TDRKH: variants seen among roughly 807,000 people sequenced by gnomAD.
TDRKH encodes tudor and KH domain-containing protein.
Under a neutral mutation model 61.3 loss-of-function variants are expected in TDRKH, and 28 were observed. The ratio of observed to expected loss-of-function variants is 0.46; its 90% CI spans 0.34 to 0.63. TDRKH has a LOEUF of 0.63. Among genes scored for constraint, TDRKH ranks in the 20% least tolerant of loss-of-function variants. TDRKH has a pLI of 0.01. For missense variants in TDRKH, 540 were observed against 683.4 expected, an observed-to-expected ratio of 0.79 and a Z score of 2.34; for synonymous variants, 219 against 244.4, an observed-to-expected ratio of 0.90 and a Z score of 0.97.
At chr1:151,775,240 G>T (rs915120614) in intron 10 of TDRKH, 74 bp from the exon 11 acceptor site, 2 of 1,569,740 alleles carry the variant, frequency 1.3e-6, no homozygotes, top group African/African-American at 2.7e-5. Flanking sequence ...AAGGCAGAAG[G>T]ACTGATACTT....
chr1:151,774,193 T>TC lies in TDRKH; in HGVS notation c.*258dup, dbSNP rs1288075229. On this transcript the variant is annotated 3_prime_UTR_variant, in exon 13 of 13. Transcript: ENST00000368824. ...ACTGCATGGATCCTTTATCATACAC[T>TC]CCTCTCCTCCATGCACCAATTCCTA... 3.9e-6 allele frequency: 2 copies of TC among 507,382 alleles called. No homozygotes were observed. The highest frequency in any genetic ancestry group is 7.0e-6 in the Non-Finnish European group (2 of 285,968). The allele number at this position is 507,382 out of a possible 1,614,324, so 31.4% of individuals were successfully genotyped here. A position where few individuals can be genotyped will look rare whatever the true frequency, so the allele number is the denominator to read the frequency against.
downstream of TDRKH, chr1:151,770,171 G>C: frequency 6.2e-7 from 1 of 1,613,790 alleles, no homozygotes; most frequent in Non-Finnish European, 8.5e-7. Context: ...GTGGCTCCTA[G>C]TTTGACTGCA....
At chr1:151,780,184 C>T (rs1649611857) in intron 3 of TDRKH, 44 bp from the exon 4 acceptor site, 1 of 1,585,616 alleles carries the variant, frequency 6.3e-7, no homozygotes, top group Non-Finnish European at 8.6e-7. Context: ...GGAAGAGCTC[C>T]CATTTGAGCC....
chr1:151,774,942 G>T, intron 11 of TDRKH, 123 bp downstream of exon 11: 1 of 1,349,710 alleles, frequency 7.4e-7, no homozygotes, highest in Non-Finnish European at 1.0e-6. Context: ...TGCTCCTTTG[G>T]TCAACTACTG....
chr1:151,783,129 A>G, intron 1 of TDRKH, 80 bp from the exon 2 acceptor site: 1 of 1,350,812 alleles, frequency 7.4e-7, no homozygotes, highest in Middle Eastern at 2.6e-4. Flanking sequence ...GGAGCACATT[A>G]TTACTGAAAA....
At position 151,779,121 on chromosome 1, in the gene TDRKH, C is replaced by T; in HGVS notation, c.543G>A (p.Lys181=). Residue 181 remains lysine (K), a synonymous_variant, in exon 5 of 13, where the codon AAG becomes AAA. Transcript: ENST00000368824. ...SRLIKISGTQ[K]EVAAAKHLIL... is the part of the protein sequence containing the mutation. ...TACTTGCCTTGGCTGCTGCCACTTCCTTCTGTGTTCCTGAGATTTTTATAA... is the reference window on the plus strand; with the variant it reads ...TACTTGCCTTGGCTGCTGCCACTTCTTTCTGTGTTCCTGAGATTTTTATAA... 1.2e-6 allele frequency: 2 copies of T among 1,614,140 alleles called. No homozygotes were observed. The highest frequency in any genetic ancestry group is 1.7e-6 in the Non-Finnish European group (2 of 1,180,032).
intron 1 of TDRKH, among the ~76,000 whole-genome samples, chr1:151,784,933 G>GT (rs377380901): frequency 0.07 from 8,829 of 126,492 alleles, 328 homozygotes; most frequent in Non-Finnish European, 0.086. Flanking sequence ...ATGGCAATTC[G>GT]TTTTTTTTTT....
chr1:151,779,907 G>A (rs12754510), intron 4 of TDRKH, 44 bp downstream of exon 4: 166,275 of 1,542,426 alleles, frequency 0.11, 9,652 homozygotes, highest in Non-Finnish European at 0.12. Context: ...GAGGGGCAAA[G>A]GTAAAGAATA....
At chr1:151,768,532 G>A (rs1029226202), downstream of TDRKH, among the ~76,000 whole-genome samples, 22 of 152,148 alleles carry the variant, frequency 1.4e-4, no homozygotes, top group Non-Finnish European at 1.8e-4. Context: ...GCAATCTCTT[G>A]GCTTCCAAGA....
At chr1:151,775,996 A>ACAGGTTCCCTTC in intron 8 of TDRKH, 100 bp downstream of exon 8, 5 of 1,570,262 alleles carry the variant, frequency 3.2e-6, no homozygotes, top group Non-Finnish European at 4.3e-6. Flanking sequence ...CTCTCTGTAA[A>ACAGGTTCCCTTC]CAGGTTCCCT....
At chr1:151,766,911 G>A (rs1196650609), downstream of TDRKH, 2 of 1,562,920 alleles carry the variant, frequency 1.3e-6, no homozygotes, top group South Asian at 1.1e-5. Flanking sequence ...ATCTCTATTT[G>A]TAGTTGTTTA....
intron 6 of TDRKH, among the ~76,000 whole-genome samples, chr1:151,778,172 A>G (rs1649390981): frequency 6.6e-6 from 1 of 152,196 alleles, no homozygotes; most frequent in Non-Finnish European, 1.5e-5. Context: ...CATAAAATGC[A>G]TACAGTGAAG....
downstream of TDRKH, chr1:151,771,443 G>GA (rs1253176805): frequency 9.0e-7 from 1 of 1,111,054 alleles, no homozygotes; most frequent in East Asian, 3.2e-5. Flanking sequence ...AACTACGGAG[G>GA]AAAGTACCTA....
At chr1:151,766,761 T>C (rs890976952), downstream of TDRKH, 1 of 1,561,542 alleles carries the variant, frequency 6.4e-7, no homozygotes, top group African/African-American at 1.4e-5. Context: ...CTACTCCCTT[T>C]CTTATATCAA....
At chr1:151,789,843 A>G (rs1650732706) in intron 1 of TDRKH, among the ~76,000 whole-genome samples, 1 of 152,174 alleles carries the variant, frequency 6.6e-6, no homozygotes, top group Non-Finnish European at 1.5e-5. Context: ...GAGAAAAAAA[A>G]AAGTGTCAAC....
rs1267004017 is a variant in TDRKH, at chr1:151,775,419, G to A, written c.1407C>T (p.Ile469=). 1.2e-6 allele frequency: 2 copies of A among 1,613,710 alleles called. No individual in the cohort carries two copies. The highest frequency in any genetic ancestry group is 3.3e-5 in the Admixed American group (2 of 59,952). ...VQTGISTWPK[I]YLYDTSNGKK... is the part of the protein sequence containing the mutation. ...TCCCATTGCTAGTATCATATAAGTA[G>A]ATCTTTGGCCAAGTTGAGATCCCAG... Residue 469 remains isoleucine, a synonymous_variant, in exon 10 of 13, where the codon ATC becomes ATT. Transcript: ENST00000368824.
downstream of TDRKH, among the ~76,000 whole-genome samples, chr1:151,768,825 G>GTT: frequency 6.6e-6 from 1 of 152,306 alleles, no homozygotes; most frequent in African/African-American, 2.4e-5. Flanking sequence ...CTTCCGCAGT[G>GTT]TTTGTGTCCC....
At chr1:151,767,187 C>T, downstream of TDRKH, 1 of 1,613,968 alleles carries the variant, frequency 6.2e-7, no homozygotes. Flanking sequence ...AAGAGGAGGA[C>T]TTGACACTCC....
At chr1:151,771,136 G>T, downstream of TDRKH, 1 of 1,613,264 alleles carries the variant, frequency 6.2e-7, no homozygotes, top group South Asian at 1.1e-5. Flanking sequence ...AGATCACCCT[G>T]CCCTCCCTCC....
Sources: gnomAD v4.1 joint callset for allele counts (sites outside exome capture counted in the v4.1 genomes callset) on GRCh38, gnomAD v4.1.1 for gene constraint, MANE v1.5 for transcripts, NCBI Gene and HGNC (gene_info 2026-07-23, HGNC 2026-07-21) for gene names.